The following RYK variants were observed in gnomAD, a reference collection of about 807,000 sequenced individuals.
The protein encoded by RYK is inactive tyrosine-protein kinase RYK.
Under a neutral mutation model 70.2 loss-of-function variants are expected in RYK, and 21 were observed. The observed-to-expected ratio is 0.30, with a 90% CI of 0.21 to 0.43. The LOEUF (loss-of-function observed/expected upper bound fraction) is 0.43, where lower values mean the gene tolerates loss of function less well. Among genes scored for constraint, RYK ranks in the 20% least tolerant of loss-of-function variants. The pLI is 1.00. For synonymous variants in RYK, 267 were observed against 278.0 expected (o/e 0.96, Z 0.39); for missense variants, 604 against 753.3 (o/e 0.80, Z 2.32).
chr3:134,167,522 C>T (rs977940480), intron 13 of RYK, among the ~76,000 whole-genome samples: 16 of 152,080 alleles, frequency 1.1e-4, no homozygotes, highest in Non-Finnish European at 2.2e-4. Context: ...ATAAATGGTG[C>T]TGGGAAAACT....
At chr3:134,178,288 G>C in intron 10 of RYK, 1 of 405,020 alleles carries the variant, frequency 2.5e-6, no homozygotes, top group African/African-American at 2.1e-5. Context: ...CACATTCTTG[G>C]TAGGGAAAAA....
At chr3:134,163,261 A>C (rs2012539997) in intron 13 of RYK, among the ~76,000 whole-genome samples, 2 of 152,266 alleles carry the variant, frequency 1.3e-5, no homozygotes, top group African/African-American at 4.8e-5. Context: ...AAAAATAATC[A>C]AGACAAAATG....
At chr3:134,187,553 T>G (rs1040964848) in intron 9 of RYK, among the ~76,000 whole-genome samples, 1 of 152,080 alleles carries the variant, frequency 6.6e-6, no homozygotes. Context: ...TCAGAATTAT[T>G]ATCATCATTT....
At chr3:134,197,424 T>C (rs566150334) in intron 6 of RYK, among the ~76,000 whole-genome samples, 16 of 152,316 alleles carry the variant, frequency 1.1e-4, no homozygotes, top group South Asian at 2.1e-4. Context: ...TCTGATAAGA[T>C]TGCTAAAACG....
intron 1 of RYK, among the ~76,000 whole-genome samples, chr3:134,235,217 T>C (rs2015169786): frequency 6.6e-6 from 1 of 152,028 alleles, no homozygotes; most frequent in South Asian, 2.1e-4. Flanking sequence ...TCACAAATGG[T>C]TTCAACTACA....
At chr3:134,200,000 C>G (rs2013946944) in intron 6 of RYK, among the ~76,000 whole-genome samples, 1 of 18,798 alleles carries the variant, frequency 5.3e-5, no homozygotes, top group Non-Finnish European at 2.4e-4. Flanking sequence ...AAAAACAGAC[C>G]AATCAGCACT....
At chr3:134,192,074 A>T in intron 7 of RYK, 100 bp from the exon 8 acceptor site, 1 of 1,156,034 alleles carries the variant, frequency 8.7e-7, no homozygotes, top group East Asian at 2.4e-5. Context: ...GGTCACAGGA[A>T]TGAGTGTAAG....
chr3:134,249,863 TGGAGGCTGCCACGAACA>T (rs2015561624), intron 1 of RYK, among the ~76,000 whole-genome samples: 1 of 150,572 alleles, frequency 6.6e-6, no homozygotes, highest in Non-Finnish European at 1.5e-5. Flanking sequence ...TCCCAAGAGT[TGGAGGCTGCCACGAACA>T]TTTGGTGCCC....
intron 1 of RYK, among the ~76,000 whole-genome samples, chr3:134,238,580 T>C (rs2015246318): frequency 6.6e-6 from 1 of 152,172 alleles, no homozygotes; most frequent in Admixed American, 6.5e-5. Context: ...GAATCTCCTG[T>C]TCCTCCCAAG....
At chr3:134,179,153 A>G (rs1441435550) in intron 10 of RYK, 2 of 152,244 alleles carry the variant, frequency 1.3e-5, no homozygotes, top group Non-Finnish European at 2.9e-5. Context: ...CATTTGCAAG[A>G]TAATTATAAA....
chr3:134,196,379 T>C (rs2013811061), intron 6 of RYK, among the ~76,000 whole-genome samples: 1 of 152,142 alleles, frequency 6.6e-6, no homozygotes. Flanking sequence ...CTTTCCTTAA[T>C]ATGCAAAATC....
At chr3:134,237,725 A>T (rs766006122) in intron 1 of RYK, among the ~76,000 whole-genome samples, 6 of 152,204 alleles carry the variant, frequency 3.9e-5, no homozygotes, top group Admixed American at 1.3e-4. Flanking sequence ...GTTAAACCAG[A>T]TGATGTTAAT....
At position 134,159,249 on chromosome 3, in the gene RYK, C is replaced by G. The variant is rs766852922; in HGVS notation, c.1700G>C (p.Cys567Ser). The change falls in exon 14 of 15, where the codon TGT (cysteine) becomes TCT (serine). Residue 567 changes from cysteine to serine, a missense_variant. Transcript: ENST00000623711. ...CAAAAAAACTCACAATTCATCAGGA[C>G]AGTTGATTGGCTGGGCTATTCGGTA... is the stretch of plus-strand genomic sequence containing the variant. ...DGYRIAQPIN[C>S]PDELFAVMAC... 1.8e-5 allele frequency: 29 copies of G among 1,613,692 alleles called. No homozygotes were observed. In the East Asian group the frequency reaches 6.0e-4, roughly 33 times the overall value.
intron 13 of RYK, among the ~76,000 whole-genome samples, chr3:134,164,779 C>T (rs538002093): frequency 5.9e-5 from 9 of 152,314 alleles, no homozygotes; most frequent in African/African-American, 1.9e-4. Context: ...ATGGTACATA[C>T]ATATTTAACA....
chr3:134,188,108 T>C (rs939844748), intron 9 of RYK, among the ~76,000 whole-genome samples: 5 of 151,092 alleles, frequency 3.3e-5, no homozygotes, highest in Admixed American at 1.3e-4. Context: ...ATTCTGTTCA[T>C]GACAATATAA....
intron 13 of RYK, among the ~76,000 whole-genome samples, chr3:134,171,779 A>C (rs2012919819): frequency 6.6e-6 from 1 of 151,930 alleles, no homozygotes; most frequent in African/African-American, 2.4e-5. Flanking sequence ...AGGCAGGAGG[A>C]CCACTTGAGC....
intron 1 of RYK, among the ~76,000 whole-genome samples, chr3:134,235,159 C>T (rs1379138512): frequency 6.6e-6 from 1 of 152,060 alleles, no homozygotes; most frequent in African/African-American, 2.4e-5. Flanking sequence ...TGAACATACA[C>T]ATTTTTAAGT....
intron 6 of RYK, among the ~76,000 whole-genome samples, chr3:134,198,059 T>C (rs2013869117): frequency 6.6e-6 from 1 of 152,198 alleles, no homozygotes; most frequent in South Asian, 2.1e-4. Context: ...AAGAAGCAAT[T>C]AGGGACCTAC....
At chr3:134,192,113 G>C in intron 7 of RYK, 139 bp from the exon 8 acceptor site, 1 of 746,416 alleles carries the variant, frequency 1.3e-6, no homozygotes, top group Non-Finnish European at 2.1e-6. Flanking sequence ...GCATATATAT[G>C]AACTAGGAGA....
Sources: allele counts gnomAD v4.1 joint callset (sites outside exome capture counted in the v4.1 genomes callset), GRCh38; gene constraint gnomAD v4.1.1; transcripts MANE v1.5; gene names NCBI Gene and HGNC (gene_info 2026-07-23, HGNC 2026-07-21).